Variants in UNC45A observed in about 807,000 individuals in gnomAD.
UNC45A encodes protein unc-45 homolog A.
In UNC45A, 78 loss-of-function variants were observed where a neutral mutation model predicts 103.2. That is an observed-to-expected ratio of 0.76 (90% confidence interval 0.63 to 0.91). UNC45A has a LOEUF of 0.91. UNC45A is among the 40% of genes least tolerant of loss of function. UNC45A has a pLI of 0.00. For missense variants in UNC45A, 1,193 were observed against 1,224.8 expected (o/e 0.97, Z 0.39); for synonymous variants, 495 against 504.6 (o/e 0.98, Z 0.25).
In UNC45A at chr15:90,940,414, G is replaced by T; in HGVS notation, c.628G>T (p.Asp210Tyr). The change falls in exon 6 of 20, where the codon GAC (aspartate) becomes TAC (tyrosine). Residue 210 changes from aspartate to tyrosine, a missense_variant. Coordinates refer to ENST00000418476, the MANE Select transcript of UNC45A (RefSeq NM_018671.5). ...LQRLLDMGET[D>Y]LMLAALRTLV... ...ACGTTTACTGGACATGGGAGAGACT[G>T]ACCTCATGCTGGCGGCTCTGCGTAC... The T allele has an allele frequency of 6.2e-7, 1 of 1,614,134 alleles. No homozygotes were observed. Among genetic ancestry groups the T allele is most frequent in the South Asian group, 1.1e-5 (1 of 91,072 alleles).
At chr15:90,951,769 T>A (rs528115081) in intron 17 of UNC45A, among the ~76,000 whole-genome samples, 40 of 151,114 alleles carry the variant, frequency 2.6e-4, no homozygotes, top group Admixed American at 2.6e-3. Context: ...GGAAAAAAAA[T>A]TTGCAAGGTG....
chr15:90,951,468 A>G (rs1489536668), intron 17 of UNC45A, among the ~76,000 whole-genome samples: 1 of 152,186 alleles, frequency 6.6e-6, no homozygotes, highest in Non-Finnish European at 1.5e-5. Context: ...GGTCAGGGTA[A>G]ATACTCAAAT....
chr15:90,947,701 G>A, intron 10 of UNC45A, 95 bp from the exon 11 acceptor site: 2 of 822,024 alleles, frequency 2.4e-6, no homozygotes, highest in Non-Finnish European at 4.1e-6. Flanking sequence ...GGGGGCCATG[G>A]CAGAGTGCCA....
intron 9 of UNC45A, among the ~76,000 whole-genome samples, chr15:90,945,632 ATT>A (rs35819329): frequency 2.4e-4 from 31 of 130,366 alleles, no homozygotes; most frequent in Admixed American, 1.5e-3. Flanking sequence ...AAGTGCTGGG[ATT>A]TTTTTTTTTT....
At chr15:90,937,238 T>C (rs1287295505) in intron 4 of UNC45A, among the ~76,000 whole-genome samples, 8 of 152,232 alleles carry the variant, frequency 5.3e-5, no homozygotes, top group Admixed American at 2.6e-4. Context: ...CCCAGCTACC[T>C]GTGAGGCTGA....
upstream of UNC45A, chr15:90,931,390 C>G: frequency 1.3e-6 from 2 of 1,569,386 alleles, no homozygotes; most frequent in Non-Finnish European, 1.7e-6. Flanking sequence ...TTCCTGGACT[C>G]GATGTTCTGA....
intron 3 of UNC45A, 57 bp downstream of exon 3, chr15:90,936,039 C>T: frequency 3.1e-6 from 5 of 1,608,098 alleles, no homozygotes; most frequent in Non-Finnish European, 4.2e-6. Context: ...TGGGCAAGGA[C>T]TCTGGGACCG....
Position 90,949,738 on chromosome 15 carries a change from C to A in UNC45A, c.2073+18C>A. On this transcript the variant is annotated intron_variant, in intron 15 of 19. Coordinates refer to ENST00000418476, the MANE Select transcript of UNC45A (RefSeq NM_018671.5). ...GCGGCAGGGTAAGCTGGTTTACACA[C>A]CCCTTCCTGATGGCTGAGCCATCAG... The A allele has an allele frequency of 1.2e-6, 2 of 1,613,442 alleles. No individual in the cohort carries two copies. Among genetic ancestry groups the A allele is most frequent in the African/African-American group, 1.3e-5 (1 of 75,048 alleles).
At chr15:90,945,925 G>C (rs62026693) in intron 9 of UNC45A, among the ~76,000 whole-genome samples, 151,910 of 151,918 alleles carry the variant, frequency 1, 75,951 homozygotes, top group Middle Eastern at 1. Flanking sequence ...CAGGCATGAG[G>C]ACCGCGTCCA....
At chr15:90,946,942 G>GGGGGCTTGGGGGGGGGGGC in intron 10 of UNC45A, 28 bp downstream of exon 10, 1 of 817,448 alleles carries the variant, frequency 1.2e-6, no homozygotes, top group Non-Finnish European at 2.0e-6. Context: ...GGGTGGGTGG[G>GGGGGCTTGGGGGGGGGGGC]CAGGCAGCCA....
At chr15:90,943,144 A>C in intron 8 of UNC45A, 62 bp downstream of exon 8, 1 of 1,528,782 alleles carries the variant, frequency 6.5e-7, no homozygotes, top group Non-Finnish European at 8.8e-7. Context: ...TCTTAGGAGT[A>C]ATAAGAAAAG....
Position 90,949,650 on chromosome 15 carries a change from A to G in UNC45A, c.2007-4A>G. 2 of 1,614,052 alleles carry G rather than the reference A, an allele frequency of 1.2e-6. No homozygotes were observed. Among genetic ancestry groups the G allele is most frequent in the Non-Finnish European group, 1.7e-6 (2 of 1,179,958 alleles). On this transcript the variant is annotated splice_region_variant and splice_polypyrimidine_tract_variant and intron_variant, in intron 14 of 19. Transcript: ENST00000418476. ...GCCTGCCCACCACCGCCTTCTCCCC[A>G]CAGGGTCTTCTTGGCTTTAGTGGAA...
At chr15:90,943,418 G>C (rs1470817786) in intron 8 of UNC45A, among the ~76,000 whole-genome samples, 1 of 133,962 alleles carries the variant, frequency 7.5e-6, no homozygotes. Context: ...AACAGAGGGA[G>C]ACTGTCTCAA....
chr15:90,934,013 A>G (rs755828423), upstream of UNC45A: 17 of 398,906 alleles, frequency 4.3e-5, no homozygotes, highest in Non-Finnish European at 7.1e-5. Context: ...GGTTCCCAGG[A>G]CCAGGACAGA....
intron 4 of UNC45A, 109 bp downstream of exon 4, chr15:90,936,569 G>A (rs2036034627): frequency 1.5e-6 from 2 of 1,349,714 alleles, no homozygotes; most frequent in South Asian, 3.0e-5. Flanking sequence ...AGTGAACCTT[G>A]CCTGTGGCCA....
At chr15:90,944,312 A>G (rs2036450450) in intron 8 of UNC45A, among the ~76,000 whole-genome samples, 1 of 151,952 alleles carries the variant, frequency 6.6e-6, no homozygotes, top group Non-Finnish European at 1.5e-5. Flanking sequence ...ACTTGAACTC[A>G]GGAGGCGGAG....
At chr15:90,931,070 G>T, upstream of UNC45A, 1 of 582,258 alleles carries the variant, frequency 1.7e-6, no homozygotes, top group Non-Finnish European at 3.0e-6. Flanking sequence ...CATCAGAAAT[G>T]GATGGGTACA....
At position 90,948,638 on chromosome 15, in the gene UNC45A, C is replaced by T. The variant is rs756864321; in HGVS notation, c.1738-16C>T. On this transcript the variant is annotated splice_polypyrimidine_tract_variant and intron_variant, in intron 12 of 19. Transcript: ENST00000418476. ...TGCCCCGGGATGCCCATGTGAATTC[C>T]TCTGTGTCCTGGCAGTTGGAGGAGA... 5 of 1,612,758 alleles carry T rather than the reference C, an allele frequency of 3.1e-6. No individual in the cohort carries two copies. The highest frequency in any genetic ancestry group is 4.5e-5 in the East Asian group (2 of 44,822).
chr15:90,938,716 C>T (rs1168518259), intron 4 of UNC45A, among the ~76,000 whole-genome samples: 1 of 152,144 alleles, frequency 6.6e-6, no homozygotes, highest in East Asian at 1.9e-4. Flanking sequence ...TATCCTGTCA[C>T]CCAGGCTGGA....
Sources: gnomAD v4.1 joint callset for allele counts (sites outside exome capture counted in the v4.1 genomes callset) on GRCh38, gnomAD v4.1.1 for gene constraint, MANE v1.5 for transcripts, NCBI Gene and HGNC (gene_info 2026-07-23, HGNC 2026-07-21) for gene names.